The following CA5A variants were observed in gnomAD, a reference collection of about 807,000 sequenced individuals.
The protein encoded by CA5A is carbonic anhydrase 5A.
A neutral mutation model predicts 37.1 loss-of-function variants in CA5A; 28 were observed. The observed-to-expected ratio is 0.75, with a 90% CI of 0.56 to 1.03. The LOEUF is 1.03. Ranked by LOEUF, CA5A falls within the 50% of genes least tolerant of loss-of-function variation. The pLI is 0.00. For synonymous variants in CA5A, 171 were observed against 158.4 expected (o/e 1.08, Z -0.60); for missense variants, 444 against 399.9 (o/e 1.11, Z -0.94).
At chr16:87,891,980 T>G (rs1160880817) in intron 5 of CA5A, 26 bp from the exon 6 acceptor site, 3 of 1,511,180 alleles carry the variant, frequency 2.0e-6, no homozygotes, top group Non-Finnish European at 2.6e-6. Flanking sequence ...GCACAGGACG[T>G]GTCAGTCCTC....
chr16:87,935,403 G>A (rs1287749397), intron 1 of CA5A, among the ~76,000 whole-genome samples: 1 of 152,178 alleles, frequency 6.6e-6, no homozygotes, highest in African/African-American at 2.4e-5. Context: ...GTTCTCTGCC[G>A]AAGAGTTTAG....
intron 2 of CA5A, among the ~76,000 whole-genome samples, chr16:87,905,522 C>G (rs2055947969): frequency 6.6e-6 from 1 of 152,116 alleles, no homozygotes; most frequent in Non-Finnish European, 1.5e-5. Flanking sequence ...CCAGGCCAAG[C>G]CAATTTTTGT....
chr16:87,934,378 G>C (rs1250303036), intron 1 of CA5A, among the ~76,000 whole-genome samples: 1 of 152,216 alleles, frequency 6.6e-6, no homozygotes, highest in Non-Finnish European at 1.5e-5. Flanking sequence ...AGACCACCCT[G>C]AGCAACATGG....
intron 4 of CA5A, chr16:87,882,233 G>C (rs2055613659): frequency 1.3e-5 from 2 of 152,362 alleles, no homozygotes; most frequent in South Asian, 4.1e-4. Flanking sequence ...AGGAAGCCCA[G>C]ACAAGTGCCT....
intron 1 of CA5A, among the ~76,000 whole-genome samples, chr16:87,934,701 T>C (rs1241058840): frequency 2.0e-5 from 3 of 152,212 alleles, no homozygotes; most frequent in African/African-American, 7.2e-5. Context: ...GGCTCACGCC[T>C]GTAATCCCAG....
Position 87,911,296 on chromosome 16 carries a change from G to A in CA5A, c.341-6392C>T, listed in dbSNP as rs964759843. On this transcript the variant is annotated intron_variant, in intron 2 of 6. Coordinates refer to ENST00000649794, the MANE Select transcript of CA5A (RefSeq NM_001739.2). The surrounding 1 kb of genome is among the most constrained non-coding windows in gnomAD (Gnocchi z 4.6). ...TATAATTGAACGATTGCCTCAGCGC[G>A]TGCCAGACTCTCCAAACATAATAAC... Among the ~76,000 whole-genome samples, 59 of 152,142 alleles carry A rather than the reference G, an allele frequency of 3.9e-4. No homozygotes were observed. Among genetic ancestry groups the A allele is most frequent in the African/African-American group, 1.3e-3 (52 of 41,508 alleles).
At chr16:87,902,388 C>G in intron 4 of CA5A, 37 bp downstream of exon 4, 1 of 1,217,524 alleles carries the variant, frequency 8.2e-7, no homozygotes, top group South Asian at 1.2e-5. Flanking sequence ...TGGATCACCA[C>G]TTTCTTCATT....
At chr16:87,923,381 T>C (rs1009511631) in intron 2 of CA5A, 1 of 190,706 alleles carries the variant, frequency 5.2e-6, no homozygotes, top group African/African-American at 2.4e-5. Flanking sequence ...ACAGATGGGG[T>C]TTCACCATGT....
chr16:87,930,687 C>T (rs548624507), intron 1 of CA5A, among the ~76,000 whole-genome samples: 8 of 151,084 alleles, frequency 5.3e-5, no homozygotes, highest in Admixed American at 1.3e-4. Context: ...GCTGCTGCTA[C>T]CCCACTGGGC....
Position 87,922,074 on chromosome 16 carries a change from C to A in CA5A, c.340+4674G>T, listed in dbSNP as rs113801939. Among the ~76,000 whole-genome samples, 603 of 152,078 alleles carry A rather than the reference C, an allele frequency of 4.0e-3. 6 individuals carry two copies. The highest frequency in any genetic ancestry group is 0.014 in the African/African-American group (569 of 41,454). ...TTTTTGTAGAGATGCATTCTCGTTA[C>A]CCTCCCACCTTGGCCTATCACGGTG... On this transcript the variant is annotated intron_variant, in intron 2 of 6. Transcript: ENST00000649794.
chr16:87,913,135 C>CA (rs1257369158), intron 2 of CA5A, among the ~76,000 whole-genome samples: 15 of 151,940 alleles, frequency 9.9e-5, no homozygotes, highest in Non-Finnish European at 2.1e-4. Context: ...GGCACCACCA[C>CA]AACTGGCTAA....
intron 2 of CA5A, among the ~76,000 whole-genome samples, chr16:87,920,857 G>A (rs1468967124): frequency 5.3e-5 from 8 of 151,958 alleles, no homozygotes; most frequent in South Asian, 2.1e-4. Flanking sequence ...GCAATGGCAC[G>A]ATCTCGGCTG....
At chr16:87,932,193 C>A (rs186520309) in intron 1 of CA5A, among the ~76,000 whole-genome samples, 5 of 152,250 alleles carry the variant, frequency 3.3e-5, no homozygotes, top group African/African-American at 9.6e-5. Flanking sequence ...CACTCTACCC[C>A]CCCTCCCACG....
In CA5A at chr16:87,911,099, CAAAAAAAAAA is replaced by C. The variant is rs11314702; in HGVS notation, c.341-6205_341-6196del. On this transcript the variant is annotated intron_variant, in intron 2 of 6. Coordinates refer to ENST00000649794, the MANE Select transcript of CA5A (RefSeq NM_001739.2). The surrounding 1 kb of genome is among the most constrained non-coding windows in gnomAD (Gnocchi z 4.6). ...ACAATGTCAGGGTATTCTCCTTAAT[CAAAAAAAAAA>C]AAAAAAAAAAAGGCAAGCCCAATTC... Among the ~76,000 whole-genome samples the C allele has an allele frequency of 1.0e-5, 1 of 96,560 alleles. No homozygotes were observed. 63.3% of individuals were successfully genotyped at this position (96,560 alleles called of 152,430 possible).
At chr16:87,908,989 A>ATTTTTTTTTTTTTTTT (rs60201296) in intron 2 of CA5A, among the ~76,000 whole-genome samples, 1 of 139,360 alleles carries the variant, frequency 7.2e-6, no homozygotes, top group African/African-American at 2.7e-5. Flanking sequence ...ACACCCGGCT[A>ATTTTTTTTTTTTTTTT]TTTTTTTTTT....
At position 87,901,905 on chromosome 16, in the gene CA5A, A is replaced by C; in HGVS notation, c.618+7T>G. 1 of 1,612,156 alleles carries C rather than the reference A, an allele frequency of 6.2e-7. No homozygotes were observed. On this transcript the variant is annotated splice_region_variant and intron_variant, in intron 5 of 6. Coordinates refer to ENST00000649794, the MANE Select transcript of CA5A (RefSeq NM_001739.2). ...CCCGGCCTGCTGATTTCAAATATGCAGCTTACCTTATGTTTTATTTCCGGC... is the reference window on the plus strand; with the variant it reads ...CCCGGCCTGCTGATTTCAAATATGCCGCTTACCTTATGTTTTATTTCCGGC...
intron 5 of CA5A, among the ~76,000 whole-genome samples, chr16:87,894,834 G>T (rs1323844920): frequency 6.6e-6 from 1 of 151,714 alleles, no homozygotes; most frequent in Admixed American, 6.6e-5. Context: ...AGCCGAGATG[G>T]CACCATTGCA....
chr16:87,894,053 C>A (rs2055765487), intron 5 of CA5A, among the ~76,000 whole-genome samples: 1 of 152,224 alleles, frequency 6.6e-6, no homozygotes, highest in Admixed American at 6.5e-5. Context: ...GCCACTGTGC[C>A]CAGCCAGCTC....
chr16:87,922,396 A>G (rs2144048035), intron 2 of CA5A, among the ~76,000 whole-genome samples: 1 of 152,274 alleles, frequency 6.6e-6, no homozygotes, highest in South Asian at 2.1e-4. Context: ...GATAATTACC[A>G]TCTGCAATTG....
Sources: gnomAD v4.1 joint callset for allele counts (sites outside exome capture counted in the v4.1 genomes callset) on GRCh38, gnomAD v4.1.1 for gene constraint, Gnocchi (gnomAD v3.1) non-coding constraint, MANE v1.5 for transcripts, NCBI Gene and HGNC (gene_info 2026-07-23, HGNC 2026-07-21) for gene names.